The following BPIFC variants were observed in gnomAD, a reference collection of about 807,000 sequenced individuals.
The protein encoded by BPIFC is BPI fold containing family C.
In BPIFC, 60 loss-of-function variants were observed where a neutral mutation model predicts 57.6. The ratio of observed to expected loss-of-function variants is 1.04; its 90% CI spans 0.85 to 1.29. BPIFC has a LOEUF of 1.29. Ranked by LOEUF, BPIFC falls within the 50% of genes most tolerant of loss-of-function variation. The probability of loss-of-function intolerance (pLI) is 0.00; values close to 1 mark genes in which losing one functional copy is unlikely to be tolerated. For synonymous variants in BPIFC, 243 were observed against 224.5 expected (o/e 1.08, Z -0.74); for missense variants, 581 against 600.5 (o/e 0.97, Z 0.34).
At chr22:32,459,392 G>A (rs1488719495) in intron 2 of BPIFC, among the ~76,000 whole-genome samples, 2 of 152,140 alleles carry the variant, frequency 1.3e-5, no homozygotes, top group African/African-American at 4.8e-5. Flanking sequence ...GGCTGGGCAC[G>A]GTGGCTCATG....
chr22:32,414,532 G>A, intron 16 of BPIFC, 107 bp from the exon 17 acceptor site: 2 of 1,381,404 alleles, frequency 1.4e-6, no homozygotes, highest in Admixed American at 4.5e-5. Context: ...TTAATTTTGA[G>A]ATGGAGTCTC....
At chr22:32,423,659 T>C (rs1442869279) in intron 13 of BPIFC, among the ~76,000 whole-genome samples, 1 of 146,098 alleles carries the variant, frequency 6.8e-6, no homozygotes, top group Non-Finnish European at 1.5e-5. Context: ...AAAGTCTCAA[T>C]CAATGCAATG....
chr22:32,456,505 G>A (rs944735572), intron 3 of BPIFC, among the ~76,000 whole-genome samples: 3 of 134,682 alleles, frequency 2.2e-5, no homozygotes, highest in Admixed American at 8.3e-5. Context: ...AGTAGAAGAA[G>A]CATTTCTTAG....
At chr22:32,457,559 GTCCA>G (rs71320927) in intron 2 of BPIFC, among the ~76,000 whole-genome samples, 173 bp from the exon 3 acceptor site, 2,165 of 148,878 alleles carry the variant, frequency 0.015, 26 homozygotes, top group African/African-American at 0.02. Flanking sequence ...CCATCCATCC[GTCCA>G]TCCATCCATC....
In BPIFC at chr22:32,433,741, C is replaced by T. The variant is rs1358403222; in HGVS notation, c.956G>A (p.Gly319Asp). 2 of 1,613,822 alleles carry T rather than the reference C, an allele frequency of 1.2e-6. No homozygotes were observed. Among genetic ancestry groups the T allele is most frequent in the African/African-American group, 2.7e-5 (2 of 74,888 alleles). Residue 319 changes from glycine (G) to aspartate (D), a missense_variant, in exon 11 of 17, where the codon GGC (glycine) becomes GAC (aspartate). By Grantham distance (94) the Gly-to-Asp change is moderately conservative. Coordinates refer to ENST00000300399, the MANE Select transcript of BPIFC (RefSeq NM_174932.3). ...ISNHFVQNSQ[G>D]LGNVLSRIAE... ...TACCCGGGAGAGCACGTTGCCAAGG[C>T]CTTGAGAGTTTTGAACAAAATGGTT...
chr22:32,418,439 A>G (rs1933746346), intron 14 of BPIFC, among the ~76,000 whole-genome samples: 1 of 152,090 alleles, frequency 6.6e-6, no homozygotes, highest in Non-Finnish European at 1.5e-5. Context: ...TGTCCTGTGC[A>G]CTGTGAATGT....
intron 16 of BPIFC, among the ~76,000 whole-genome samples, chr22:32,415,098 CATTAG>C (rs1933631386): frequency 6.6e-6 from 1 of 152,212 alleles, no homozygotes; most frequent in African/African-American, 2.4e-5. Context: ...GATCATCAGG[CATTAG>C]TTAGATTCTC....
chr22:32,442,776 T>TGC, intron 7 of BPIFC, 45 bp from the exon 8 acceptor site: 2 of 1,576,092 alleles, frequency 1.3e-6, no homozygotes, highest in Non-Finnish European at 1.7e-6. Flanking sequence ...TACCATGTTG[T>TGC]ACTGGAAAGC....
intron 8 of BPIFC, among the ~76,000 whole-genome samples, chr22:32,441,839 TG>T (rs377578409): frequency 6.6e-6 from 1 of 151,964 alleles, no homozygotes; most frequent in Non-Finnish European, 1.5e-5. Flanking sequence ...GGCCTGGGGT[TG>T]GGGGGGATGG....
In BPIFC at chr22:32,450,750, A is replaced by G. The variant is rs571559713; in HGVS notation, c.245+2633T>C. On this transcript the variant is annotated intron_variant, in intron 4 of 16. Coordinates refer to ENST00000300399, the MANE Select transcript of BPIFC (RefSeq NM_174932.3). ...ATTTTTAAGTGCTGACATGATGCTC[A>G]AAGGAAATGCCCCTTGGAGCATTTT... 2.0e-5 allele frequency among the ~76,000 whole-genome samples: 3 copies of G among 152,292 alleles called. 1 individual carries two copies. The highest frequency in any genetic ancestry group is 7.2e-5 in the African/African-American group (3 of 41,556).
At chr22:32,457,425 T>C in intron 2 of BPIFC, 39 bp from the exon 3 acceptor site, 1 of 1,584,748 alleles carries the variant, frequency 6.3e-7, no homozygotes, top group Non-Finnish European at 8.5e-7. Context: ...TTATTATTCT[T>C]GACTTTCTCT....
chr22:32,445,699 C>T lies in BPIFC; in HGVS notation c.531-1G>A. 1 of 603,822 alleles carries T rather than the reference C, an allele frequency of 1.7e-6. No individual in the cohort carries two copies. The highest frequency in any genetic ancestry group is 2.6e-6 in the Non-Finnish European group (1 of 378,006). The allele number at this position is 603,822 out of a possible 1,614,324, so 37.4% of individuals were successfully genotyped here. A position where few individuals can be genotyped will look rare whatever the true frequency, so the allele number is the denominator to read the frequency against. On this transcript the variant is annotated splice_acceptor_variant, in intron 6 of 16. Coordinates refer to ENST00000300399, the MANE Select transcript of BPIFC (RefSeq NM_174932.3). LOFTEE classifies it high-confidence loss of function. ...CTCAGCAAAGGAGTTATACAGAACACTGAGGAAAAAAATGAAAAAAAAAAA... is the reference window on the plus strand; with the variant it reads ...CTCAGCAAAGGAGTTATACAGAACATTGAGGAAAAAAATGAAAAAAAAAAA...
chr22:32,440,180 G>GGATCTTGGCTCACTGCAT (rs900955171), intron 8 of BPIFC, among the ~76,000 whole-genome samples: 2 of 152,102 alleles, frequency 1.3e-5, no homozygotes, highest in Non-Finnish European at 1.5e-5. Context: ...CACCTAGACT[G>GGATCTTGGCTCACTGCAT]GATCTTGGCT....
At chr22:32,455,949 G>A (rs1019112785) in intron 3 of BPIFC, among the ~76,000 whole-genome samples, 3 of 152,270 alleles carry the variant, frequency 2.0e-5, no homozygotes, top group South Asian at 4.1e-4. Flanking sequence ...GGATGATCCC[G>A]TTTGATCCTC....
intron 1 of BPIFC, among the ~76,000 whole-genome samples, chr22:32,462,440 CT>C (rs1935187396): frequency 6.6e-6 from 1 of 151,850 alleles, no homozygotes; most frequent in African/African-American, 2.4e-5. Context: ...AAAAACCAAA[CT>C]ATCATATATA....
rs764136115 is a variant in BPIFC, at chr22:32,445,989, T to C, written c.382A>G (p.Thr128Ala). 29 of 1,613,910 alleles carry C rather than the reference T, an allele frequency of 1.8e-5. No individual in the cohort carries two copies. In the East Asian group the frequency reaches 2.7e-4, roughly 15 times the overall value. ...WGFESPLFQD[T>A]GGADLFLSGV... Reference sequence around the variant, plus strand: ...GAGAGAAACAGATCAGCCCCTCCTGTGTCTTGGCTGTTTAAAGAAGTGCAA... The same window carrying C: ...GAGAGAAACAGATCAGCCCCTCCTGCGTCTTGGCTGTTTAAAGAAGTGCAA... Residue 128 changes from threonine to alanine, a missense_variant, in exon 6 of 17, where the codon ACA (threonine) becomes GCA (alanine). By Grantham distance (58) the Thr-to-Ala change is moderately conservative. Transcript: ENST00000300399.
intron 16 of BPIFC, among the ~76,000 whole-genome samples, chr22:32,415,620 C>T (rs151232117): frequency 1.3e-5 from 2 of 152,240 alleles, no homozygotes; most frequent in Middle Eastern, 3.4e-3. Context: ...ATAATTCCAG[C>T]CTTACAGATT....
At chr22:32,436,318 GGAAGAAGAAGAAGAAGAAA>G (rs1465959497) in intron 9 of BPIFC, among the ~76,000 whole-genome samples, 5 of 118,760 alleles carry the variant, frequency 4.2e-5, no homozygotes, top group African/African-American at 1.4e-4. Flanking sequence ...AAGAGGAAGA[GGAAGAAGAAGAAGAAGAAA>G]GAAGAGGAAG....
At chr22:32,448,426 T>C (rs1934794055) in intron 4 of BPIFC, among the ~76,000 whole-genome samples, 1 of 152,144 alleles carries the variant, frequency 6.6e-6, no homozygotes, top group African/African-American at 2.4e-5. Context: ...GGACATTTGG[T>C]GCATATGCCA....
Sources: allele counts gnomAD v4.1 joint callset (sites outside exome capture counted in the v4.1 genomes callset), GRCh38; gene constraint gnomAD v4.1.1; transcripts MANE v1.5; gene names NCBI Gene and HGNC (gene_info 2026-07-23, HGNC 2026-07-21).